Variants in PGF observed in about 807,000 individuals in gnomAD.
PGF encodes the protein placenta growth factor.
PGF carries 11 observed loss-of-function variants against 25.3 expected under a neutral mutation model. The observed-to-expected ratio is 0.43, with a 90% CI of 0.27 to 0.72. The LOEUF is 0.72. Ranked by LOEUF, PGF falls within the 30% of genes least tolerant of loss-of-function variation. PGF has a pLI of 0.18. For missense variants in PGF, 230 were observed against 234.9 expected (o/e 0.98, Z 0.14); for synonymous variants, 105 against 97.9 (o/e 1.07, Z -0.43).
At chr14:74,942,789 TCTC>T in intron 6 of PGF, 56 bp from the exon 7 acceptor site, 6 of 1,544,570 alleles carry the variant, frequency 3.9e-6, no homozygotes, top group Non-Finnish European at 5.3e-6. Context: ...GAGGGTGCGG[TCTC>T]CTCCTATGGA....
chr14:74,942,622 C>T lies in PGF; in HGVS notation c.*84G>A. ...AAACAGTTGGCTAATAAATAGAGGG[C>T]AGGTACCAGCAGGAGTCACTGAAGA... On this transcript the variant is annotated 3_prime_UTR_variant, in exon 7 of 7. Coordinates refer to ENST00000555567, the MANE Select transcript of PGF (RefSeq NM_002632.6). 7.8e-7 allele frequency: 1 copy of T among 1,282,702 alleles called. No homozygotes were observed. The allele number at this position is 1,282,702 out of a possible 1,614,324, so 79.5% of individuals were successfully genotyped here. A position where few individuals can be genotyped will look rare whatever the true frequency, so the allele number is the denominator to read the frequency against.
In PGF at chr14:74,955,299, C is replaced by T. The variant is rs929743166; in HGVS notation, c.-57G>A. On this transcript the variant is annotated 5_prime_UTR_variant, in exon 1 of 7. Coordinates refer to ENST00000555567, the MANE Select transcript of PGF (RefSeq NM_002632.6). This position sits in a 1 kb window ranked among gnomAD's most constrained non-coding sequence, Gnocchi z 4.1. The stretch of plus-strand genomic sequence containing the variant: ...AGGGAAAACCACCATGCTCATCCCC[C>T]GGGGAGCCCCTGGCACAGGAGGAGA... 1.8e-6 allele frequency: 2 copies of T among 1,135,964 alleles called. No individual in the cohort carries two copies. Among genetic ancestry groups the T allele is most frequent in the African/African-American group, 3.2e-5 (2 of 62,114 alleles). 70.4% of individuals were successfully genotyped at this position (1,135,964 alleles called of 1,614,324 possible).
At position 74,942,530 on chromosome 14, in the gene PGF, A is replaced by G. The variant is rs1425606930; in HGVS notation, c.*176T>C. Reference sequence around the variant, plus strand: ...CTCTTTCTCTCACGTTGTTGAAGGCACTGAATTCCTGAGGGTCCTGTCCTT... The same window carrying G: ...CTCTTTCTCTCACGTTGTTGAAGGCGCTGAATTCCTGAGGGTCCTGTCCTT... On this transcript the variant is annotated 3_prime_UTR_variant, in exon 7 of 7. Coordinates refer to ENST00000555567, the MANE Select transcript of PGF (RefSeq NM_002632.6). 10 of 661,554 alleles carry G rather than the reference A, an allele frequency of 1.5e-5. No individual in the cohort carries two copies. The Admixed American group carries it at 2.5e-4, about 16-fold the overall frequency. The allele number at this position is 661,554 out of a possible 1,614,324, so 41.0% of individuals were successfully genotyped here.
intron 2 of PGF, among the ~76,000 whole-genome samples, chr14:74,952,659 C>T (rs573245769): frequency 2.0e-5 from 3 of 152,308 alleles, no homozygotes; most frequent in Non-Finnish European, 2.9e-5. Context: ...GTGCAAAGCT[C>T]GTTGTACTTC....
At chr14:74,947,617 T>C (rs192735506) in intron 4 of PGF, 1 of 152,260 alleles carries the variant, frequency 6.6e-6, no homozygotes, top group Non-Finnish European at 1.5e-5. Context: ...AGGGTTGTTA[T>C]GAGAGCAGGA....
At chr14:74,951,548 G>A (rs1888872213) in intron 2 of PGF, among the ~76,000 whole-genome samples, 2 of 152,370 alleles carry the variant, frequency 1.3e-5, no homozygotes, top group East Asian at 1.9e-4. Flanking sequence ...AGCCGTCAGC[G>A]AGGGGACAGC....
rs1194158975 is a variant in PGF, at chr14:74,955,127, G to C, written c.75+41C>G. 1 of 1,181,932 alleles carries C rather than the reference G, an allele frequency of 8.5e-7. No homozygotes were observed. Among genetic ancestry groups the C allele is most frequent in the African/African-American group, 1.6e-5 (1 of 63,252 alleles). The allele number at this position is 1,181,932 out of a possible 1,614,324, so 73.2% of individuals were successfully genotyped here. ...GTCCCATGCTTCCAGTGCTGGGATG[G>C]GGAGGTCTGGGGAGCCAGGCTAGGT... On this transcript the variant is annotated intron_variant, in intron 1 of 6. Transcript: ENST00000555567. This position sits in a 1 kb window ranked among gnomAD's most constrained non-coding sequence, Gnocchi z 4.1.
At chr14:74,952,601 T>C (rs1888896993) in intron 2 of PGF, among the ~76,000 whole-genome samples, 1 of 152,248 alleles carries the variant, frequency 6.6e-6, no homozygotes, top group East Asian at 1.9e-4. Context: ...TGTCTCTGGC[T>C]GTGGTGTTAA....
At chr14:74,954,867 G>A (rs1337902892) in intron 1 of PGF, among the ~76,000 whole-genome samples, 2 of 152,158 alleles carry the variant, frequency 1.3e-5, no homozygotes, top group African/African-American at 4.8e-5. Context: ...ACCCGCCTGG[G>A]ATTAGTGGAC....
At chr14:74,954,095 C>T in intron 1 of PGF, 149 bp from the exon 2 acceptor site, 1 of 696,934 alleles carries the variant, frequency 1.4e-6, no homozygotes, top group Non-Finnish European at 2.5e-6. Context: ...AGCCTGAGTA[C>T]CACTAAAAAC....
chr14:74,950,729 G>T lies in PGF; in HGVS notation c.119-1176C>A, dbSNP rs1888854520. On this transcript the variant is annotated intron_variant, in intron 2 of 6. Transcript: ENST00000555567. The surrounding 1 kb of genome is among the most constrained non-coding windows in gnomAD (Gnocchi z 4.1). ...GAAAAAAGAAGGTTGGGAATAAATG[G>T]TTGCTAAGGTCTTTCCCTCTCTGAC... 6.6e-6 allele frequency among the ~76,000 whole-genome samples: 1 copy of T among 152,132 alleles called. No individual in the cohort carries two copies. Among genetic ancestry groups the T allele is most frequent in the Admixed American group, 6.5e-5 (1 of 15,278 alleles).
rs1375299953 is a variant in PGF at position 74,949,378 on chromosome 14, C to A, written c.294G>T (p.Glu98Asp). The A allele has an allele frequency of 5.1e-6, 8 of 1,580,550 alleles. No homozygotes were observed. Among genetic ancestry groups the A allele is most frequent in the Non-Finnish European group, 6.9e-6 (8 of 1,162,996 alleles). ...GDENLHCVPV[E>D]TANVTMQLLK... ...CTACCTGCATGGTGACATTGGCCGT[C>A]TCCACCGGCACACAGTGCAGATTCT... Residue 98 changes from glutamate (E) to aspartate (D), a missense_variant, in exon 3 of 7, where the codon GAG becomes GAT. Glu to Asp is a conservative substitution (Grantham distance 45). Coordinates refer to ENST00000555567, the MANE Select transcript of PGF (RefSeq NM_002632.6).
intron 2 of PGF, among the ~76,000 whole-genome samples, chr14:74,949,785 C>G (rs1455789843): frequency 6.6e-6 from 1 of 152,222 alleles, no homozygotes; most frequent in Non-Finnish European, 1.5e-5. Context: ...AAGCTTTGCT[C>G]TGTCCTCAAC....
chr14:74,944,251 C>T lies in PGF; in HGVS notation c.486-1518G>A, dbSNP rs963225249. On this transcript the variant is annotated intron_variant, in intron 6 of 6. Transcript: ENST00000555567. Reference sequence around the variant, plus strand: ...CCGAGTAGCTGGGACTATAGGCACCCACCACCACACCCGGCTAATTTTTTG... The same window carrying T: ...CCGAGTAGCTGGGACTATAGGCACCTACCACCACACCCGGCTAATTTTTTG... Among the ~76,000 whole-genome samples, 24 of 151,638 alleles carry T rather than the reference C, an allele frequency of 1.6e-4. No homozygotes were observed. In the East Asian group the frequency reaches 2.3e-3, roughly 15 times the overall value.
At chr14:74,944,126 A>G (rs192108329) in intron 6 of PGF, among the ~76,000 whole-genome samples, 1,954 of 131,684 alleles carry the variant, frequency 0.015, 50 homozygotes, top group African/African-American at 0.057. Context: ...TTTTTTTGAG[A>G]CGGAGTCTTG....
At chr14:74,946,108 T>G (rs1888725080) in intron 6 of PGF, 105 bp downstream of exon 6, 2 of 951,292 alleles carry the variant, frequency 2.1e-6, no homozygotes, top group African/African-American at 1.6e-5. Flanking sequence ...CCCCCAAGAC[T>G]GGCCTCAGTC....
rs1888617540 is a variant in PGF, at chr14:74,942,252, C to T, written c.*454G>A. ...GTGGCTGGATCCCCTCCGCCCGCTGCCGGCCTTCCCACCAGCCAGGCCGTG... is the reference window on the plus strand; with the variant it reads ...GTGGCTGGATCCCCTCCGCCCGCTGTCGGCCTTCCCACCAGCCAGGCCGTG... On this transcript the variant is annotated 3_prime_UTR_variant, in exon 7 of 7. Coordinates refer to ENST00000555567, the MANE Select transcript of PGF (RefSeq NM_002632.6). 1 of 176,910 alleles carries T rather than the reference C, an allele frequency of 5.7e-6. No homozygotes were observed. Among genetic ancestry groups the T allele is most frequent in the Non-Finnish European group, 1.2e-5 (1 of 84,136 alleles). 11.0% of individuals were successfully genotyped at this position (176,910 alleles called of 1,614,324 possible). A position where few individuals can be genotyped will look rare whatever the true frequency, so the allele number is the denominator to read the frequency against.
rs976188172 is a variant in PGF at position 74,948,785 on chromosome 14, G to A, written c.316-202C>T. On this transcript the variant is annotated intron_variant, in intron 3 of 6. Coordinates refer to ENST00000555567, the MANE Select transcript of PGF (RefSeq NM_002632.6). ...GGGAGGCCCCTGTCCCTCCCTGCCC[G>A]GGAGCACTAGCACAGCAATAGCACA... is the stretch of plus-strand genomic sequence containing the variant. 3.9e-5 allele frequency among the ~76,000 whole-genome samples: 6 copies of A among 152,294 alleles called. No individual in the cohort carries two copies. The South Asian group carries it at 1.2e-3, about 32-fold the overall frequency.
chr14:74,955,637 G>C (rs1159793910), upstream of PGF: 1 of 163,442 alleles, frequency 6.1e-6, no homozygotes, highest in Non-Finnish European at 1.3e-5. This position sits in a 1 kb window ranked among gnomAD's most constrained non-coding sequence, Gnocchi z 4.1. Flanking sequence ...CAGGGACTGA[G>C]CCGGGGCGGG....
Sources: allele counts gnomAD v4.1 joint callset (sites outside exome capture counted in the v4.1 genomes callset), GRCh38; gene constraint gnomAD v4.1.1; non-coding constraint Gnocchi (gnomAD v3.1); transcripts MANE v1.5; gene names NCBI Gene and HGNC (gene_info 2026-07-23, HGNC 2026-07-21).